Variants in PTPRK observed in about 807,000 individuals in gnomAD.
PTPRK encodes the protein receptor-type tyrosine-protein phosphatase kappa.
In PTPRK, 75 loss-of-function variants were observed where a neutral mutation model predicts 178.0. The ratio of observed to expected loss-of-function variants is 0.42; its 90% CI spans 0.35 to 0.51. The LOEUF (loss-of-function observed/expected upper bound fraction) is 0.51, where lower values mean the gene tolerates loss of function less well. PTPRK is among the 20% of genes least tolerant of loss of function. The pLI is 0.02. For missense variants in PTPRK, 1,441 were observed against 1,797.8 expected (o/e 0.80, Z 3.59); for synonymous variants, 637 against 620.6 (o/e 1.03, Z -0.39).
intron 6 of PTPRK, among the ~76,000 whole-genome samples, chr6:128,192,932 G>C (rs1804095053): frequency 6.7e-6 from 1 of 149,296 alleles, no homozygotes; most frequent in Non-Finnish European, 1.5e-5. Context: ...AAGGGAGAGG[G>C]GGAAGGAGGG....
intron 3 of PTPRK, among the ~76,000 whole-genome samples, chr6:128,302,391 C>CAAAAAAAAAA (rs534525238): frequency 3.2e-5 from 1 of 30,952 alleles, no homozygotes; most frequent in Non-Finnish European, 1.1e-4. Context: ...GACTCAATTC[C>CAAAAAAAAAA]AAAAAAAAAA....
intron 13 of PTPRK, among the ~76,000 whole-genome samples, chr6:128,046,227 G>A (rs1778011098): frequency 6.6e-6 from 1 of 151,972 alleles, no homozygotes; most frequent in Admixed American, 6.6e-5. Flanking sequence ...CCTCCCTTCT[G>A]AGTTCAGGAA....
At chr6:128,183,815 T>G (rs1179514649) in intron 7 of PTPRK, among the ~76,000 whole-genome samples, 1 of 152,170 alleles carries the variant, frequency 6.6e-6, no homozygotes, top group Non-Finnish European at 1.5e-5. Context: ...TTTTTTGTGT[T>G]TTCTCCATAC....
chr6:128,368,722 A>C (rs961677366), intron 2 of PTPRK, among the ~76,000 whole-genome samples: 1 of 152,166 alleles, frequency 6.6e-6, no homozygotes, highest in Non-Finnish European at 1.5e-5. Flanking sequence ...CTCTTCACCA[A>C]GCAAGTACTG....
intron 1 of PTPRK, among the ~76,000 whole-genome samples, chr6:128,427,265 G>GC (rs1844258224): frequency 6.6e-6 from 1 of 152,152 alleles, no homozygotes; most frequent in Non-Finnish European, 1.5e-5. Context: ...ACTTTAAGAG[G>GC]TGTTATGTAA....
Position 128,182,621 on chromosome 6 carries a change from G to A in PTPRK, c.1162+1811C>T, listed in dbSNP as rs116076323. On this transcript the variant is annotated intron_variant, in intron 7 of 29. Transcript: ENST00000368226. ...TCCTCATTCCCTCTCACATAGATAG[G>A]GCTATTCTCAGAATAAAACACTTCA... is the stretch of plus-strand genomic sequence containing the variant. Among the ~76,000 whole-genome samples, 532 of 151,984 alleles carry A rather than the reference G, an allele frequency of 3.5e-3. 5 individuals are homozygous for A. Among genetic ancestry groups the A allele is most frequent in the African/African-American group, 0.012 (514 of 41,456 alleles).
intron 5 of PTPRK, among the ~76,000 whole-genome samples, chr6:128,219,720 C>T (rs1246447276): frequency 3.3e-5 from 5 of 152,290 alleles, no homozygotes; most frequent in Non-Finnish European, 2.9e-5. Flanking sequence ...TGATTCATTG[C>T]CCCCATGCTC....
At chr6:128,264,864 C>G (rs759243007) in intron 3 of PTPRK, among the ~76,000 whole-genome samples, 1 of 152,074 alleles carries the variant, frequency 6.6e-6, no homozygotes, top group East Asian at 1.9e-4. Context: ...ATAAATCTCA[C>G]GAGATCTGAT....
intron 3 of PTPRK, among the ~76,000 whole-genome samples, chr6:128,271,222 C>T (rs1819765764): frequency 6.6e-6 from 1 of 152,074 alleles, no homozygotes; most frequent in African/African-American, 2.4e-5. Context: ...GGCAGAGGAC[C>T]AGGTGCTAAA....
At chr6:128,170,459 T>C (rs1800071633) in intron 7 of PTPRK, among the ~76,000 whole-genome samples, 1 of 152,040 alleles carries the variant, frequency 6.6e-6, no homozygotes, top group Non-Finnish European at 1.5e-5. Flanking sequence ...TTTGGGGGGT[T>C]AAAGAAAACT....
intron 7 of PTPRK, among the ~76,000 whole-genome samples, chr6:128,111,455 C>T (rs1245232771): frequency 6.6e-6 from 1 of 152,162 alleles, no homozygotes; most frequent in Non-Finnish European, 1.5e-5. Context: ...AACAGACTAG[C>T]TGTAGAACTT....
chr6:128,092,981 A>T (rs1301887859), intron 7 of PTPRK, among the ~76,000 whole-genome samples: 1 of 152,204 alleles, frequency 6.6e-6, no homozygotes, highest in African/African-American at 2.4e-5. Context: ...ATAAGTATTA[A>T]ATAACTTCAA....
chr6:128,343,779 G>C (rs1022124281), intron 2 of PTPRK, among the ~76,000 whole-genome samples: 1 of 151,728 alleles, frequency 6.6e-6, no homozygotes, highest in Non-Finnish European at 1.5e-5. Context: ...TGCATTTTTA[G>C]CTGCTTGACA....
At chr6:128,120,171 A>T (rs1339310595) in intron 7 of PTPRK, among the ~76,000 whole-genome samples, 3 of 151,992 alleles carry the variant, frequency 2.0e-5, no homozygotes, top group African/African-American at 7.2e-5. Flanking sequence ...ACTAATATTA[A>T]TTTTTTGCAT....
intron 2 of PTPRK, among the ~76,000 whole-genome samples, chr6:128,359,765 A>T (rs962860462): frequency 2.6e-5 from 4 of 151,956 alleles, no homozygotes; most frequent in African/African-American, 9.7e-5. Context: ...AAATAAAAAA[A>T]AAATAATAAA....
chr6:128,492,543 T>C (rs1853972132), intron 1 of PTPRK, among the ~76,000 whole-genome samples: 2 of 152,292 alleles, frequency 1.3e-5, no homozygotes, highest in South Asian at 4.1e-4. Flanking sequence ...TTATTACTCA[T>C]ATGGCCCCAA....
chr6:128,172,164 A>C (rs1464131584), intron 7 of PTPRK, among the ~76,000 whole-genome samples: 5 of 152,008 alleles, frequency 3.3e-5, no homozygotes, highest in Admixed American at 3.3e-4. Context: ...CAGGATAATT[A>C]GCATCATACT....
intron 3 of PTPRK, among the ~76,000 whole-genome samples, chr6:128,284,367 C>A (rs1049097034): frequency 1.3e-5 from 2 of 152,220 alleles, no homozygotes; most frequent in Non-Finnish European, 2.9e-5. Flanking sequence ...CCACCCTTCA[C>A]AATCAGGGCA....
chr6:128,307,683 A>G (rs1826633065), intron 3 of PTPRK, among the ~76,000 whole-genome samples: 1 of 152,168 alleles, frequency 6.6e-6, no homozygotes, highest in East Asian at 1.9e-4. Context: ...AGGGAAAGAA[A>G]CACAAATATC....
Sources: allele counts gnomAD v4.1 joint callset (sites outside exome capture counted in the v4.1 genomes callset), GRCh38; gene constraint gnomAD v4.1.1; transcripts MANE v1.5; gene names NCBI Gene and HGNC (gene_info 2026-07-23, HGNC 2026-07-21).